KDELR3: variants seen among roughly 807,000 people sequenced by gnomAD.
KDELR3 encodes the protein KDEL endoplasmic reticulum protein retention receptor 3.
A neutral mutation model predicts 22.7 loss-of-function variants in KDELR3; 26 were observed. The observed-to-expected ratio is 1.15, with a 90% CI of 0.84 to 1.59. The LOEUF (loss-of-function observed/expected upper bound fraction) is 1.59. Ranked by LOEUF, KDELR3 falls within the 40% of genes most tolerant of loss-of-function variation. The pLI, the probability that KDELR3 is intolerant of heterozygous loss-of-function variation, is 0.00. For missense variants in KDELR3, 289 were observed against 251.1 expected, an observed-to-expected ratio of 1.15 and a Z score of -1.02; for synonymous variants, 120 against 98.2, an observed-to-expected ratio of 1.22 and a Z score of -1.31.
chr22:38,469,992 G>C (rs1368035813), intron 1 of KDELR3, among the ~76,000 whole-genome samples: 1 of 151,890 alleles, frequency 6.6e-6, no homozygotes, highest in African/African-American at 2.4e-5. Context: ...GCTAATTTTT[G>C]TATTTTTAGT....
Position 38,476,741 on chromosome 22 carries a change from G to A in KDELR3, c.192+2118G>A, listed in dbSNP as rs1401026690. On this transcript the variant is annotated intron_variant, in intron 2 of 4. Coordinates refer to ENST00000216014, the MANE Select transcript of KDELR3 (RefSeq NM_006855.4). ...GGGTTTCACTATGTTGGCCAGGCTGGTCTCAAACTCCTGACCTCGTGATCT... is the reference window on the plus strand; with the variant it reads ...GGGTTTCACTATGTTGGCCAGGCTGATCTCAAACTCCTGACCTCGTGATCT... Among the ~76,000 whole-genome samples the A allele has an allele frequency of 3.3e-5, 5 of 151,676 alleles. No individual in the cohort carries two copies. In the East Asian group the frequency reaches 9.7e-4, roughly 29 times the overall value.
chr22:38,475,652 C>G (rs1353273353), intron 2 of KDELR3, among the ~76,000 whole-genome samples: 1 of 152,118 alleles, frequency 6.6e-6, no homozygotes. Flanking sequence ...GACGGAGTCT[C>G]ACTGTTTTCT....
At chr22:38,481,815 C>A (rs1286289706) in intron 4 of KDELR3, among the ~76,000 whole-genome samples, 1 of 152,192 alleles carries the variant, frequency 6.6e-6, no homozygotes, top group African/African-American at 2.4e-5. Flanking sequence ...GGAGATGAGT[C>A]AACCAAGACC....
chr22:38,482,377 A>G, intron 4 of KDELR3, 119 bp from the exon 5 acceptor site: 2 of 824,410 alleles, frequency 2.4e-6, no homozygotes, highest in South Asian at 3.1e-5. Flanking sequence ...CTTTGCTTTA[A>G]CAATCGAACA....
intron 1 of KDELR3, among the ~76,000 whole-genome samples, chr22:38,468,871 G>C (rs958839853): frequency 2.0e-5 from 3 of 152,246 alleles, no homozygotes; most frequent in Non-Finnish European, 4.4e-5. Flanking sequence ...GCCGGGGAAG[G>C]CTGGAGGGGT....
intron 3 of KDELR3, among the ~76,000 whole-genome samples, chr22:38,480,982 T>C (rs1005114681): frequency 1.3e-5 from 2 of 151,810 alleles, no homozygotes; most frequent in Non-Finnish European, 2.9e-5. Flanking sequence ...CACGCTACAC[T>C]GTGAAAAAAG....
At chr22:38,475,448 A>C (rs1361229799) in intron 2 of KDELR3, among the ~76,000 whole-genome samples, 1 of 152,180 alleles carries the variant, frequency 6.6e-6, no homozygotes, top group Admixed American at 6.5e-5. Context: ...ACTGTACTCC[A>C]GTCTGGGCAA....
chr22:38,475,832 C>T (rs975107225), intron 2 of KDELR3, among the ~76,000 whole-genome samples: 1 of 152,142 alleles, frequency 6.6e-6, no homozygotes, highest in Non-Finnish European at 1.5e-5. Context: ...CAGGGTTTCT[C>T]CATGTTGGCC....
chr22:38,480,743 A>C (rs1294868369), intron 3 of KDELR3, among the ~76,000 whole-genome samples: 1 of 151,308 alleles, frequency 6.6e-6, no homozygotes, highest in East Asian at 2.0e-4. Context: ...ACAGAGCGAG[A>C]CTCCATCTCA....
chr22:38,468,388 C>A, intron 1 of KDELR3, 64 bp downstream of exon 1: 1 of 1,438,786 alleles, frequency 7.0e-7, no homozygotes, highest in Non-Finnish European at 9.8e-7. Context: ...CCCCTGCGTG[C>A]AGGGCAGGGC....
intron 1 of KDELR3, among the ~76,000 whole-genome samples, chr22:38,473,545 T>C (rs2089538114): frequency 6.6e-6 from 1 of 152,250 alleles, no homozygotes; most frequent in South Asian, 2.1e-4. Flanking sequence ...ATAGGTGTCA[T>C]GTGTGTACAT....
chr22:38,475,622 C>T (rs1050986564), intron 2 of KDELR3, among the ~76,000 whole-genome samples: 1 of 152,148 alleles, frequency 6.6e-6, no homozygotes, highest in African/African-American at 2.4e-5. Flanking sequence ...AAAGGACACA[C>T]CTTCTTTCTG....
At position 38,479,742 on chromosome 22, in the gene KDELR3, T is replaced by C. The variant is rs1334427358; in HGVS notation, c.342T>C (p.Thr114=). The C allele has an allele frequency of 6.2e-7, 1 of 1,614,192 alleles. No individual in the cohort carries two copies. Among genetic ancestry groups the C allele is most frequent in the Admixed American group, 1.7e-5 (1 of 60,030 alleles). The stretch of plus-strand genomic sequence containing the variant: ...CCTTCCTTGAAAACTACAGTTTCAC[T>C]CTGCTGGAGGTAAGGGAATGGACTG... ...GLSFLENYSF[T]LLEILWTFSI... Residue 114 remains threonine, a synonymous_variant, in exon 3 of 5, where the codon ACT becomes ACC. Transcript: ENST00000216014.
At chr22:38,481,621 CAA>C (rs371121527) in intron 4 of KDELR3, 157 bp downstream of exon 4, 1 of 1,483,362 alleles carries the variant, frequency 6.7e-7, no homozygotes, top group Non-Finnish European at 8.9e-7. Context: ...AATAAAGAAA[CAA>C]ATGCCATAAA....
At chr22:38,473,699 G>A (rs193051165) in intron 1 of KDELR3, among the ~76,000 whole-genome samples, 22 of 152,256 alleles carry the variant, frequency 1.4e-4, no homozygotes, top group Non-Finnish European at 2.2e-4. Flanking sequence ...TTGGCTGGGC[G>A]TGGTGGGTCA....
chr22:38,469,663 T>C (rs1235855856), intron 1 of KDELR3, among the ~76,000 whole-genome samples: 1 of 152,106 alleles, frequency 6.6e-6, no homozygotes, highest in African/African-American at 2.4e-5. Flanking sequence ...CTCCAACCTC[T>C]TCCTGCACTT....
rs1313148143 is a variant in KDELR3, at chr22:38,481,428, T to G, written c.568T>G (p.Phe190Val). 1.2e-6 allele frequency: 2 copies of G among 1,614,054 alleles called. No homozygotes were observed. The highest frequency in any genetic ancestry group is 1.7e-6 in the Non-Finnish European group (2 of 1,180,006). The change falls in exon 4 of 5, where the codon TTC becomes GTC. Residue 190 changes from phenylalanine (F) to valine (V), a missense_variant. Transcript: ENST00000216014. ...AVVSGVVQTI[F>V]YCDFFYLYVT... The stretch of plus-strand genomic sequence containing the variant: ...CGTGTCTGGAGTAGTACAAACCATC[T>G]TCTACTGTGACTTCTTCTACTTGTA...
chr22:38,473,353 ATTGT>A (rs1569131582), intron 1 of KDELR3, among the ~76,000 whole-genome samples: 2 of 152,126 alleles, frequency 1.3e-5, no homozygotes, highest in Non-Finnish European at 2.9e-5. Flanking sequence ...AGATAGGAGA[ATTGT>A]TTGAGTCCAG....
At position 38,479,743 on chromosome 22, in the gene KDELR3, C is replaced by T. The variant is rs752815424; in HGVS notation, c.343C>T (p.Leu115=). ...CTTCCTTGAAAACTACAGTTTCACT[C>T]TGCTGGAGGTAAGGGAATGGACTGA... The part of the protein sequence containing the change: ...LSFLENYSFT[L]LEILWTFSIY... The change falls in exon 3 of 5, where the codon CTG becomes TTG. Residue 115 remains leucine, a synonymous_variant. Coordinates refer to ENST00000216014, the MANE Select transcript of KDELR3 (RefSeq NM_006855.4). 6 of 1,614,170 alleles carry T rather than the reference C, an allele frequency of 3.7e-6. No homozygotes were observed. The highest frequency in any genetic ancestry group is 5.1e-6 in the Non-Finnish European group (6 of 1,180,002).
Sources: allele counts gnomAD v4.1 joint callset (sites outside exome capture counted in the v4.1 genomes callset), GRCh38; gene constraint gnomAD v4.1.1; transcripts MANE v1.5; gene names NCBI Gene and HGNC (gene_info 2026-07-23, HGNC 2026-07-21).